CCDC88C: variants seen among roughly 807,000 people sequenced by gnomAD.
CCDC88C encodes the protein protein Daple.
In CCDC88C, 131 loss-of-function variants were observed where a neutral mutation model predicts 198.8. The observed-to-expected ratio is 0.66, with a 90% CI of 0.57 to 0.76. CCDC88C has a LOEUF of 0.76. Ranked by LOEUF, CCDC88C falls within the 30% of genes least tolerant of loss-of-function variation. The pLI, the probability that CCDC88C is intolerant of heterozygous loss-of-function variation, is 0.00. For synonymous variants in CCDC88C, 1,166 were observed against 1,114.7 expected, an observed-to-expected ratio of 1.05 and a Z score of -0.92; for missense variants, 2,553 against 2,631.6, an observed-to-expected ratio of 0.97 and a Z score of 0.65.
chr14:91,282,316 T>C (rs1890232229), intron 26 of CCDC88C, among the ~76,000 whole-genome samples: 1 of 152,216 alleles, frequency 6.6e-6, no homozygotes, highest in South Asian at 2.1e-4. Context: ...ATTAACCCCT[T>C]CTTGCTCTCT....
intron 2 of CCDC88C, among the ~76,000 whole-genome samples, chr14:91,415,866 T>G (rs1355397339): frequency 6.6e-6 from 1 of 152,222 alleles, no homozygotes; most frequent in Non-Finnish European, 1.5e-5. Flanking sequence ...TCTCATTAGC[T>G]AATAGATTTA....
chr14:91,313,217 T>C lies in CCDC88C; in HGVS notation c.2599A>G (p.Lys867Glu), dbSNP rs757476972. 3 of 1,613,632 alleles carry C rather than the reference T, an allele frequency of 1.9e-6. No individual in the cohort carries two copies. Among genetic ancestry groups the C allele is most frequent in the African/African-American group, 1.3e-5 (1 of 74,920 alleles). Residue 867 changes from lysine to glutamate, a missense_variant, in exon 15 of 30, where the codon AAG (lysine) becomes GAG (glutamate). Around this residue, in one of 2 missense-constraint regions of CCDC88C, gnomAD observed 1,260 missense variants for 1,412.0 expected, o/e 0.89. Coordinates refer to ENST00000389857, the MANE Select transcript of CCDC88C (RefSeq NM_001080414.4). This position sits in a 1 kb window ranked among gnomAD's most constrained non-coding sequence, Gnocchi z 5.2. ...TCCTTGTCCAGCGCGCGGCTCTCCT[T>C]CTCAACGGCGGACAGTTTGGCAGTG... ...DSTAKLSAVE[K>E]ESRALDKELA...
In CCDC88C at chr14:91,398,292, C is replaced by T. The variant is rs142278525; in HGVS notation, c.270+10367G>A. Among the ~76,000 whole-genome samples, 520 of 152,336 alleles carry T rather than the reference C, an allele frequency of 3.4e-3. 5 individuals carry two copies. Among genetic ancestry groups the T allele is most frequent in the African/African-American group, 0.011 (475 of 41,580 alleles). ...AAATCTGCCTCCCAAGAGGTTTGGG[C>T]GTTCAGCACACCACCAGGTCCTCAG... On this transcript the variant is annotated intron_variant, in intron 3 of 29. Coordinates refer to ENST00000389857, the MANE Select transcript of CCDC88C (RefSeq NM_001080414.4).
rs1050411921 is a variant in CCDC88C at position 91,351,839 on chromosome 14, A to G, written c.340+7803T>C. On this transcript the variant is annotated intron_variant, in intron 4 of 29. Coordinates refer to ENST00000389857, the MANE Select transcript of CCDC88C (RefSeq NM_001080414.4). ...AGCACCACCACGCACAACAGACGAC[A>G]GCTACCCCCAGGTCATGTAGAACAC... Among the ~76,000 whole-genome samples the G allele has an allele frequency of 4.1e-4, 63 of 152,206 alleles. 1 individual carries two copies. Among genetic ancestry groups the G allele is most frequent in the African/African-American group, 1.4e-3 (59 of 41,532 alleles).
chr14:91,403,747 T>C (rs979736156), intron 3 of CCDC88C, among the ~76,000 whole-genome samples: 4 of 152,062 alleles, frequency 2.6e-5, no homozygotes, highest in African/African-American at 4.8e-5. Flanking sequence ...CTGGCCAACA[T>C]AGTGAAACCC....
At position 91,371,876 on chromosome 14, in the gene CCDC88C, T is replaced by C. The variant is rs1478846169; in HGVS notation, c.271-12165A>G. Among the ~76,000 whole-genome samples the C allele has an allele frequency of 6.6e-6, 1 of 152,132 alleles. No individual in the cohort carries two copies. Among genetic ancestry groups the C allele is most frequent in the Middle Eastern group, 3.2e-3 (1 of 316 alleles). ...CTCCCAGGCACAAGTCGGAGCAGGATGGTGGAGGGCACCTAGGAGCCTCCA... is the reference window on the plus strand; with the variant it reads ...CTCCCAGGCACAAGTCGGAGCAGGACGGTGGAGGGCACCTAGGAGCCTCCA... On this transcript the variant is annotated intron_variant, in intron 3 of 29. Coordinates refer to ENST00000389857, the MANE Select transcript of CCDC88C (RefSeq NM_001080414.4). This position sits in a 1 kb window ranked among gnomAD's most constrained non-coding sequence, Gnocchi z 4.2.
chr14:91,304,917 A>G (rs539469409), intron 19 of CCDC88C, among the ~76,000 whole-genome samples: 1 of 152,350 alleles, frequency 6.6e-6, no homozygotes, highest in Admixed American at 6.5e-5. Flanking sequence ...TCCTTGCCCC[A>G]TAAGATACAT....
intron 3 of CCDC88C, among the ~76,000 whole-genome samples, chr14:91,375,171 AG>A (rs1177122799): frequency 6.6e-6 from 1 of 152,148 alleles, no homozygotes; most frequent in African/African-American, 2.4e-5. Flanking sequence ...GGGCTCTCCC[AG>A]GGCCTGGCAC....
intron 3 of CCDC88C, among the ~76,000 whole-genome samples, chr14:91,398,846 A>G (rs1886001951): frequency 6.6e-6 from 1 of 152,286 alleles, no homozygotes; most frequent in South Asian, 2.1e-4. Flanking sequence ...AGCAGCCTGC[A>G]GCCCTGGGGG....
chr14:91,361,957 G>T (rs944216341), intron 3 of CCDC88C, among the ~76,000 whole-genome samples: 8 of 152,034 alleles, frequency 5.3e-5, no homozygotes, highest in African/African-American at 1.9e-4. Context: ...CTCCAGGCTG[G>T]GTGCAGAGGC....
chr14:91,389,108 A>C lies in CCDC88C; in HGVS notation c.270+19551T>G, dbSNP rs116371963. 6.1e-3 allele frequency among the ~76,000 whole-genome samples: 923 copies of C among 152,242 alleles called. 4 individuals are homozygous for C. The highest frequency in any genetic ancestry group is 0.021 in the African/African-American group (876 of 41,540). ...GTACACAGAGACACTCCTGTCCCCCACCTGAATGAGGAGCCAATTAGTTCA... is the reference window on the plus strand; with the variant it reads ...GTACACAGAGACACTCCTGTCCCCCCCCTGAATGAGGAGCCAATTAGTTCA... On this transcript the variant is annotated intron_variant, in intron 3 of 29. Coordinates refer to ENST00000389857, the MANE Select transcript of CCDC88C (RefSeq NM_001080414.4).
chr14:91,335,965 G>A lies in CCDC88C; in HGVS notation c.1050+2040C>T, dbSNP rs115807475. The stretch of plus-strand genomic sequence containing the variant: ...CAACCATGCCCAATTCATCACCTGC[G>A]TTGGCGGCTCAGTGTCTGCAAACCC... On this transcript the variant is annotated intron_variant, in intron 10 of 29. Transcript: ENST00000389857. 3.1e-3 allele frequency among the ~76,000 whole-genome samples: 475 copies of A among 152,228 alleles called. 6 individuals are homozygous for A. Among genetic ancestry groups the A allele is most frequent in the African/African-American group, 0.011 (449 of 41,514 alleles).
intron 2 of CCDC88C, among the ~76,000 whole-genome samples, chr14:91,409,350 T>A (rs1012488024): frequency 2.1e-4 from 32 of 151,960 alleles, no homozygotes; most frequent in South Asian, 8.3e-4. Context: ...AATTTTTTTT[T>A]AATTTTTTTT....
intron 3 of CCDC88C, among the ~76,000 whole-genome samples, chr14:91,393,966 C>T (rs1885684628): frequency 6.6e-6 from 1 of 152,240 alleles, no homozygotes; most frequent in African/African-American, 2.4e-5. Context: ...GTGCCAGCTG[C>T]TCCGGAGTTT....
chr14:91,379,590 C>T (rs1034783499), intron 3 of CCDC88C: 7 of 563,664 alleles, frequency 1.2e-5, no homozygotes, highest in East Asian at 5.9e-5. Context: ...GGGGATCACA[C>T]GAGCAGAAGT....
At chr14:91,332,465 T>TAACAAACA (rs1242186270) in intron 10 of CCDC88C, among the ~76,000 whole-genome samples, 1 of 152,182 alleles carries the variant, frequency 6.6e-6, no homozygotes, top group Non-Finnish European at 1.5e-5. Context: ...CCATGTACAT[T>TAACAAACA]TGTGTTCCAT....
In CCDC88C at chr14:91,278,230, G is replaced by C; in HGVS notation, c.4769-19C>G. On this transcript the variant is annotated intron_variant, in intron 28 of 29. Transcript: ENST00000389857. ...GAGGAGCCTGGGTGTCAGGGCAGGA[G>C]ACAGAGGACCCTCATCAGTCTTGGC... 2 of 1,576,972 alleles carry C rather than the reference G, an allele frequency of 1.3e-6. No homozygotes were observed. The highest frequency in any genetic ancestry group is 1.7e-6 in the Non-Finnish European group (2 of 1,157,746).
chr14:91,337,627 C>T (rs991468714), intron 10 of CCDC88C, among the ~76,000 whole-genome samples: 2 of 152,238 alleles, frequency 1.3e-5, no homozygotes, highest in African/African-American at 2.4e-5. Flanking sequence ...AGGCGTGAGC[C>T]GCTGCACCCG....
intron 12 of CCDC88C, among the ~76,000 whole-genome samples, chr14:91,321,696 T>C (rs977554397): frequency 6.6e-6 from 1 of 152,172 alleles, no homozygotes; most frequent in Non-Finnish European, 1.5e-5. Flanking sequence ...ATAATGGACA[T>C]CTCGGCTGCT....
Sources: gnomAD v4.1 joint callset for allele counts (sites outside exome capture counted in the v4.1 genomes callset) on GRCh38, gnomAD v4.1.1 for gene constraint, gnomAD v4.1.1 regional missense constraint, Gnocchi (gnomAD v3.1) non-coding constraint, MANE v1.5 for transcripts, NCBI Gene and HGNC (gene_info 2026-07-23, HGNC 2026-07-21) for gene names.